Variants in TPP2 observed in about 807,000 individuals in gnomAD.
TPP2 encodes tripeptidyl-peptidase 2.
Under a neutral mutation model 155.9 loss-of-function variants are expected in TPP2, and 34 were observed. That is an observed-to-expected ratio of 0.22 (90% CI 0.17 to 0.29). The LOEUF is 0.29. Ranked by LOEUF, TPP2 falls within the 10% of genes least tolerant of loss-of-function variation. The pLI is 1.00. For synonymous variants in TPP2, 510 were observed against 529.4 expected (o/e 0.96, Z 0.50); for missense variants, 1,028 against 1,522.3 (o/e 0.68, Z 5.40).
chr13:102,660,676 G>C (rs1042616395), intron 25 of TPP2, among the ~76,000 whole-genome samples: 1 of 152,162 alleles, frequency 6.6e-6, no homozygotes, highest in Non-Finnish European at 1.5e-5. Context: ...TAGCCAGACA[G>C]TCTTGAAAAT....
At chr13:102,641,077 T>G (rs1290096291) in intron 16 of TPP2, among the ~76,000 whole-genome samples, 1 of 152,244 alleles carries the variant, frequency 6.6e-6, no homozygotes, top group Non-Finnish European at 1.5e-5. Context: ...AGATTTTCAC[T>G]TCAGTGTCTC....
At chr13:102,606,799 A>G (rs764784411) in intron 2 of TPP2, among the ~76,000 whole-genome samples, 10 of 152,232 alleles carry the variant, frequency 6.6e-5, no homozygotes, top group African/African-American at 9.6e-5. Context: ...TGTCATGGGC[A>G]GATAGCAGCC....
intron 3 of TPP2, 71 bp from the exon 4 acceptor site, chr13:102,616,323 CAT>C (rs1880722674): frequency 8.3e-7 from 1 of 1,211,690 alleles, no homozygotes; most frequent in African/African-American, 1.5e-5. Context: ...ACAAAGTCCA[CAT>C]ATAAATGCCT....
chr13:102,634,237 G>A (rs1882217950), intron 11 of TPP2, 139 bp downstream of exon 11: 12 of 1,162,588 alleles, frequency 1.0e-5, no homozygotes, highest in Non-Finnish European at 1.4e-5. Flanking sequence ...TAACTTATGT[G>A]ATAATGATAA....
chr13:102,600,212 C>T (rs1217659488), intron 1 of TPP2, among the ~76,000 whole-genome samples: 1 of 152,128 alleles, frequency 6.6e-6, no homozygotes, highest in Non-Finnish European at 1.5e-5. Context: ...ACATTTCATT[C>T]TTACACTCAC....
In TPP2 at chr13:102,614,198, T is replaced by C. The variant is rs1473427908; in HGVS notation, c.390+2T>C. 6.2e-7 allele frequency: 1 copy of C among 1,605,250 alleles called. No homozygotes were observed. Among genetic ancestry groups the C allele is most frequent in the Non-Finnish European group, 8.5e-7 (1 of 1,173,900 alleles). On this transcript the variant is annotated splice_donor_variant, in intron 3 of 29. Transcript: ENST00000376052. LOFTEE classifies it high-confidence loss of function. Reference sequence around the variant, plus strand: ...AAGGCACTCAAGGAAAGGATACAGGTAATGTACAATCTGGTACCAATGAGT... The same window carrying C: ...AAGGCACTCAAGGAAAGGATACAGGCAATGTACAATCTGGTACCAATGAGT...
chr13:102,619,987 C>T (rs146299717), intron 5 of TPP2, among the ~76,000 whole-genome samples: 8 of 152,108 alleles, frequency 5.3e-5, no homozygotes, highest in East Asian at 3.9e-4. Context: ...ATGCTAAATA[C>T]GAAACAGAGT....
At chr13:102,671,636 G>GT in intron 27 of TPP2, among the ~76,000 whole-genome samples, 1 of 152,066 alleles carries the variant, frequency 6.6e-6, no homozygotes, top group Non-Finnish European at 1.5e-5. Context: ...TCAATTTTGC[G>GT]TTACCAGGCA....
intron 1 of TPP2, among the ~76,000 whole-genome samples, chr13:102,599,261 A>G (rs1220622371): frequency 6.6e-6 from 1 of 152,238 alleles, no homozygotes; most frequent in Non-Finnish European, 1.5e-5. Context: ...TGTAATAAAT[A>G]TTCAGATGAT....
chr13:102,636,543 A>G (rs1806289181), intron 13 of TPP2, 151 bp downstream of exon 13: 10 of 1,045,502 alleles, frequency 9.6e-6, no homozygotes, highest in Non-Finnish European at 1.3e-5. Context: ...ATAAGAGAAA[A>G]TATTAGAGCA....
chr13:102,631,758 AAAT>A (rs1292406582), intron 10 of TPP2, among the ~76,000 whole-genome samples: 2 of 152,260 alleles, frequency 1.3e-5, no homozygotes, highest in African/African-American at 2.4e-5. Flanking sequence ...CATAAACATG[AAAT>A]AATATTAGAA....
In TPP2 at chr13:102,638,293, A is replaced by C. The variant is rs188995641; in HGVS notation, c.1891A>C (p.Ile631Leu). The change falls in exon 15 of 30, where the codon ATC becomes CTC. Residue 631 changes from isoleucine to leucine, a missense_variant. Transcript: ENST00000376052. ...PNAGPLFRVP[I>L]TAVIAAKVNE... Reference sequence around the variant, plus strand: ...CGCAGGTCCGCTCTTCAGAGTTCCGATCACTGCAGTTATAGCAGCAAAGTA... The same window carrying C: ...CGCAGGTCCGCTCTTCAGAGTTCCGCTCACTGCAGTTATAGCAGCAAAGTA... 4.7e-5 allele frequency: 76 copies of C among 1,613,006 alleles called. No homozygotes were observed. In the Middle Eastern group the frequency reaches 9.9e-4, roughly 21 times the overall value.
At chr13:102,600,274 A>G (rs1442526468) in intron 1 of TPP2, among the ~76,000 whole-genome samples, 1 of 152,094 alleles carries the variant, frequency 6.6e-6, no homozygotes, top group Non-Finnish European at 1.5e-5. Context: ...GTGGCGTTTC[A>G]TCTTCCGTCA....
At chr13:102,606,928 G>A (rs139796758) in intron 2 of TPP2, among the ~76,000 whole-genome samples, 2 of 152,310 alleles carry the variant, frequency 1.3e-5, no homozygotes, top group African/African-American at 4.8e-5. Context: ...GTATTTGAAA[G>A]TTGGGCCTTT....
chr13:102,609,517 C>T (rs1284693818), intron 2 of TPP2, among the ~76,000 whole-genome samples: 1 of 150,928 alleles, frequency 6.6e-6, no homozygotes, highest in Admixed American at 6.6e-5. Flanking sequence ...CCTGCCTCAG[C>T]CTCCTGAGTA....
chr13:102,657,806 C>T (rs1883957600), intron 25 of TPP2, among the ~76,000 whole-genome samples: 2 of 152,060 alleles, frequency 1.3e-5, no homozygotes, highest in South Asian at 4.1e-4. Flanking sequence ...AATCGTCTCG[C>T]TGTGTTTTGC....
chr13:102,648,874 T>C (rs1447521187), intron 21 of TPP2, 33 bp from the exon 22 acceptor site: 5 of 1,558,524 alleles, frequency 3.2e-6, no homozygotes, highest in Non-Finnish European at 4.3e-6. Context: ...TGGTTAAACT[T>C]AACTTTTCCC....
intron 1 of TPP2, among the ~76,000 whole-genome samples, chr13:102,600,400 C>G (rs138572943): frequency 5.1e-4 from 78 of 152,240 alleles, no homozygotes; most frequent in African/African-American, 1.7e-3. Flanking sequence ...CCCCCTCCCC[C>G]CACCACCTCG....
intron 1 of TPP2, among the ~76,000 whole-genome samples, chr13:102,597,634 A>G (rs911929079): frequency 6.6e-6 from 1 of 152,224 alleles, no homozygotes; most frequent in Non-Finnish European, 1.5e-5. Flanking sequence ...CACCGGTCCC[A>G]GCCTGACGTT....
Sources: allele counts gnomAD v4.1 joint callset (sites outside exome capture counted in the v4.1 genomes callset), GRCh38; gene constraint gnomAD v4.1.1; transcripts MANE v1.5; gene names NCBI Gene and HGNC (gene_info 2026-07-23, HGNC 2026-07-21).